The following CHRDL1 variants were observed in gnomAD, a reference collection of about 807,000 sequenced individuals.
The protein encoded by CHRDL1 is chordin like 1.
A neutral mutation model predicts 40.9 loss-of-function variants in CHRDL1; 19 were observed. That is an observed-to-expected ratio of 0.46 (90% CI 0.32 to 0.68). The LOEUF (loss-of-function observed/expected upper bound fraction) is 0.68, where lower values mean the gene tolerates loss of function less well. Among genes scored for constraint, CHRDL1 ranks in the 30% least tolerant of loss-of-function variants. The probability of loss-of-function intolerance (pLI) is 0.03; values close to 1 mark genes in which losing one functional copy is unlikely to be tolerated. For missense variants in CHRDL1, 329 were observed against 352.1 expected, an observed-to-expected ratio of 0.93 and a Z score of 0.53; for synonymous variants, 136 against 123.4, an observed-to-expected ratio of 1.10 and a Z score of -0.68.
At chrX:110,738,754 A>G (rs2148484817) in intron 4 of CHRDL1, among the ~76,000 whole-genome samples, 2 of 110,048 alleles carry the variant, frequency 1.8e-5, no homozygotes, top group African/African-American at 6.6e-5. Flanking sequence ...AAAAAAAAAA[A>G]CAATGAATAG....
intron 6 of CHRDL1, among the ~76,000 whole-genome samples, chrX:110,702,620 T>A (rs2070537911): frequency 8.9e-6 from 1 of 111,736 alleles, no homozygotes. Context: ...ATCACCATCA[T>A]CTATAACAGT....
intron 6 of CHRDL1, among the ~76,000 whole-genome samples, chrX:110,710,203 C>G (rs1010759920): frequency 2.7e-5 from 3 of 111,731 alleles, no homozygotes; most frequent in Admixed American, 1.9e-4. Flanking sequence ...TGTCAGTCAA[C>G]AAACCAGGTT....
chrX:110,689,943 A>G (rs1367208589), intron 8 of CHRDL1, among the ~76,000 whole-genome samples: 1 of 69,878 alleles, frequency 1.4e-5, no homozygotes. Flanking sequence ...ATATATATCT[A>G]TATATCTATA....
At chrX:110,679,257 G>A (rs1456676863) in intron 11 of CHRDL1, 79 bp downstream of exon 11, 16 of 671,915 alleles carry the variant, frequency 2.4e-5, no homozygotes, top group Non-Finnish European at 3.4e-5. Flanking sequence ...TGAGATTGCG[G>A]AGGGACTTTA....
chrX:110,754,005 G>T (rs2089407894), intron 4 of CHRDL1, among the ~76,000 whole-genome samples: 1 of 112,207 alleles, frequency 8.9e-6, no homozygotes, highest in Non-Finnish European at 1.9e-5. Context: ...TTAATATTTT[G>T]CACTACCAAG....
At chrX:110,738,699 G>A (rs1448220846) in intron 4 of CHRDL1, among the ~76,000 whole-genome samples, 4 of 102,915 alleles carry the variant, frequency 3.9e-5, no homozygotes, top group South Asian at 4.5e-4. Flanking sequence ...CCGACACTGC[G>A]CCACTACACT....
At chrX:110,678,902 G>T (rs1234881381) in intron 11 of CHRDL1, among the ~76,000 whole-genome samples, 3 of 111,103 alleles carry the variant, frequency 2.7e-5, no homozygotes, top group Admixed American at 9.7e-5. Context: ...AGGAGTAAAA[G>T]TGCTTTCATA....
At chrX:110,741,939 G>T (rs2071368664) in intron 4 of CHRDL1, among the ~76,000 whole-genome samples, 2 of 111,935 alleles carry the variant, frequency 1.8e-5, no homozygotes, top group Admixed American at 1.9e-4. Context: ...TTTGGTGACT[G>T]TTAACAGGTT....
chrX:110,719,083 G>A (rs2070896806), intron 6 of CHRDL1, among the ~76,000 whole-genome samples: 1 of 111,552 alleles, frequency 9.0e-6, no homozygotes, highest in Non-Finnish European at 1.9e-5. Flanking sequence ...TGAGCATACA[G>A]TAGATGGTCA....
chrX:110,729,293 A>G (rs2071114622), intron 4 of CHRDL1, among the ~76,000 whole-genome samples: 1 of 111,258 alleles, frequency 9.0e-6, no homozygotes, highest in Non-Finnish European at 1.9e-5. Flanking sequence ...AGTTGAATCA[A>G]TGATGCCTAC....
intron 3 of CHRDL1, among the ~76,000 whole-genome samples, chrX:110,761,037 C>T (rs2089554597): frequency 8.9e-6 from 1 of 111,749 alleles, no homozygotes; most frequent in Non-Finnish European, 1.9e-5. Flanking sequence ...ATAAGGACAA[C>T]AATGATGACA....
At chrX:110,767,518 C>A (rs144719693) in intron 2 of CHRDL1, among the ~76,000 whole-genome samples, 1 of 109,675 alleles carries the variant, frequency 9.1e-6, no homozygotes, top group Admixed American at 9.8e-5. Flanking sequence ...TTAATGTACA[C>A]AAATCAGTAG....
At chrX:110,740,837 C>G (rs906640802) in intron 4 of CHRDL1, among the ~76,000 whole-genome samples, 2 of 111,876 alleles carry the variant, frequency 1.8e-5, no homozygotes, top group African/African-American at 6.5e-5. Flanking sequence ...GGGTTATAGG[C>G]CAGATATGAC....
chrX:110,779,944 A>G (rs928680135), intron 2 of CHRDL1, among the ~76,000 whole-genome samples: 2 of 111,351 alleles, frequency 1.8e-5, no homozygotes, highest in African/African-American at 6.5e-5. Flanking sequence ...GCTTATATAA[A>G]TAATATTGTA....
At chrX:110,724,304 A>AT (rs1190289214) in intron 4 of CHRDL1, among the ~76,000 whole-genome samples, 1 of 111,996 alleles carries the variant, frequency 8.9e-6, no homozygotes, top group Non-Finnish European at 1.9e-5. Flanking sequence ...GCAGGGTGAG[A>AT]TTTTCCAGTG....
chrX:110,773,723 C>CAA lies in CHRDL1; in HGVS notation c.95-10918_95-10917dup, dbSNP rs1171179610. The stretch of plus-strand genomic sequence containing the variant: ...ACCCTGGGCGACAGTGAGACTGCCT[C>CAA]AAAAAAAAAAAAAAAAAAAAAAGTA... On this transcript the variant is annotated intron_variant, in intron 2 of 11. Transcript: ENST00000372042. Among the ~76,000 whole-genome samples the CAA allele has an allele frequency of 2.4e-3, 84 of 35,305 alleles. 2 individuals carry two copies. The highest frequency in any genetic ancestry group is 6.9e-3 in the African/African-American group (72 of 10,504). The allele number at this position is 35,305 out of a possible 115,157, so 30.7% of individuals were successfully genotyped here.
At chrX:110,696,808 C>T (rs1472694135) in intron 7 of CHRDL1, among the ~76,000 whole-genome samples, 5 of 110,643 alleles carry the variant, frequency 4.5e-5, no homozygotes, top group African/African-American at 1.3e-4. Flanking sequence ...TATATACTCC[C>T]CAAGAGACTC....
At chrX:110,688,120 C>A (rs1603121072) in intron 9 of CHRDL1, among the ~76,000 whole-genome samples, 1 of 111,407 alleles carries the variant, frequency 9.0e-6, no homozygotes, top group Admixed American at 9.6e-5. Context: ...ACAGATAAGG[C>A]TGATGAGGCT....
rs1569456462 is a variant in CHRDL1 at position 110,674,506 on chromosome X, A to ACACACACACACAC, written c.*1724_*1725insGTGTGTGTGTGTG. The ACACACACACACAC allele has an allele frequency of 9.9e-5, 9 of 90,524 alleles. No homozygotes were observed. Among genetic ancestry groups the ACACACACACACAC allele is most frequent in the African/African-American group, 2.8e-4 (7 of 24,905 alleles). 7.5% of individuals were successfully genotyped at this position (90,524 alleles called of 1,213,427 possible). On this transcript the variant is annotated 3_prime_UTR_variant, in exon 12 of 12. Coordinates refer to ENST00000372042, the MANE Select transcript of CHRDL1 (RefSeq NM_001143981.2). ...ACACACACACACACACACACACACAAACTAATGCTTTGTGACCTCTCAACC... is the reference window on the plus strand; with the variant it reads ...ACACACACACACACACACACACACAACACACACACACACACTAATGCTTTGTGACCTCTCAACC...
Sources: gnomAD v4.1 joint callset for allele counts (sites outside exome capture counted in the v4.1 genomes callset) on GRCh38, gnomAD v4.1.1 for gene constraint, MANE v1.5 for transcripts, NCBI Gene and HGNC (gene_info 2026-07-23, HGNC 2026-07-21) for gene names.